The following SH2D6 variants were observed in gnomAD, a reference collection of about 807,000 sequenced individuals.
SH2D6 encodes the protein SH2 domain containing 6.
SH2D6 carries 31 observed loss-of-function variants against 30.2 expected under a neutral mutation model. The observed-to-expected ratio is 1.03, with a 90% CI of 0.77 to 1.38. The LOEUF is 1.38. Ranked by LOEUF, SH2D6 falls within the 40% of genes most tolerant of loss-of-function variation. SH2D6 has a pLI of 0.00. For missense variants in SH2D6, 240 were observed against 266.8 expected, an observed-to-expected ratio of 0.90 and a Z score of 0.70; for synonymous variants, 93 against 104.6, an observed-to-expected ratio of 0.89 and a Z score of 0.68.
intron 15 of SH2D6, 148 bp downstream of exon 15, chr2:85,433,269 C>A: frequency 1.9e-6 from 1 of 536,392 alleles, no homozygotes; most frequent in Non-Finnish European, 2.4e-6. Context: ...CAGCCACAGG[C>A]CCCTGGCAGG....
Position 85,435,732 on chromosome 2 carries a change from C to T in SH2D6, c.799C>T (p.Leu267Phe). ...HGSQPFTLAV[L>F]LRGRVFNIPI... ...CTCCCAGCCCTTCACCCTGGCAGTG[C>T]TTCTCCGAGGCCGGGTCTTCAACAT... The change falls in exon 22 of 24, where the codon CTT becomes TTT. Residue 267 changes from leucine to phenylalanine, a missense_variant. Coordinates refer to ENST00000469800, the MANE Select transcript of SH2D6 (RefSeq NM_001394463.1). 3 of 1,613,182 alleles carry T rather than the reference C, an allele frequency of 1.9e-6. No homozygotes were observed. The highest frequency in any genetic ancestry group is 2.5e-6 in the Non-Finnish European group (3 of 1,179,788).
intron 5 of SH2D6, among the ~76,000 whole-genome samples, chr2:85,424,469 G>T (rs1381798362): frequency 6.6e-6 from 1 of 151,998 alleles, no homozygotes; most frequent in African/African-American, 2.4e-5. Flanking sequence ...ATAATTAATG[G>T]TTGGGCACAG....
intron 14 of SH2D6, among the ~76,000 whole-genome samples, chr2:85,432,248 ATT>A (rs36079023): frequency 1.5e-5 from 2 of 130,906 alleles, no homozygotes; most frequent in Non-Finnish European, 1.7e-5. Flanking sequence ...GGCTGCTCTG[ATT>A]TTTTTTTTTT....
chr2:85,434,376 A>G lies in SH2D6; in HGVS notation c.564+6A>G, dbSNP rs1295132542. On this transcript the variant is annotated splice_donor_region_variant and intron_variant, in intron 18 of 23. Transcript: ENST00000469800. The stretch of plus-strand genomic sequence containing the variant: ...CCCCCCAGGAAACTCGGAATGTAAG[A>G]GGCTGATGGTCAGGGGAGAAGAGAG... 9.0e-6 allele frequency: 14 copies of G among 1,549,946 alleles called. No individual in the cohort carries two copies. The Admixed American group carries it at 2.6e-4, about 28-fold the overall frequency.
intron 19 of SH2D6, chr2:85,434,729 CAA>C (rs1178834251): frequency 7.0e-7 from 1 of 1,436,656 alleles, no homozygotes; most frequent in Admixed American, 2.8e-5. Flanking sequence ...CCTCAGGCCC[CAA>C]GTTACTGAGG....
At chr2:85,424,910 A>G (rs1034942595) in intron 5 of SH2D6, among the ~76,000 whole-genome samples, 8 of 152,162 alleles carry the variant, frequency 5.3e-5, no homozygotes, top group African/African-American at 1.9e-4. Flanking sequence ...TACTAAAAAT[A>G]CAAAAATTAG....
At chr2:85,434,223 C>T in intron 17 of SH2D6, 112 bp downstream of exon 17, 1 of 1,518,008 alleles carries the variant, frequency 6.6e-7, no homozygotes, top group Non-Finnish European at 8.9e-7. Flanking sequence ...TCTCCTTGCA[C>T]TGTCCCATGG....
Position 85,434,031 on chromosome 2 carries a change from A to G in SH2D6, c.455-2A>G, listed in dbSNP as rs761350805. ...AGCCCAGCCTGCCCCTCCCTGTTTC[A>G]GTCCTGGCTTTGACTCAGACTCTCA... is the stretch of plus-strand genomic sequence containing the variant. On this transcript the variant is annotated splice_acceptor_variant, in intron 16 of 23. Coordinates refer to ENST00000469800, the MANE Select transcript of SH2D6 (RefSeq NM_001394463.1). LOFTEE classifies it high-confidence loss of function. 3.2e-6 allele frequency: 5 copies of G among 1,549,980 alleles called. No homozygotes were observed. Among genetic ancestry groups the G allele is most frequent in the South Asian group, 2.4e-5 (2 of 84,018 alleles).
Position 85,435,651 on chromosome 2 carries a change from G to A in SH2D6, c.733-15G>A, listed in dbSNP as rs73943209. The A allele has an allele frequency of 7.4e-3, 11,727 of 1,588,752 alleles. 698 individuals carry two copies. The African/African-American group carries it at 0.14, about 19-fold the overall frequency. On this transcript the variant is annotated splice_polypyrimidine_tract_variant and intron_variant, in intron 21 of 23. Transcript: ENST00000469800. ...CATTGGAAGATGAGGTTGATGGCTG[G>A]GGTCTCCTCCACAGGATGGGGCCTA...
At chr2:85,432,492 TG>T (rs1423773639) in intron 14 of SH2D6, among the ~76,000 whole-genome samples, 1 of 151,448 alleles carries the variant, frequency 6.6e-6, no homozygotes, top group Non-Finnish European at 1.5e-5. Flanking sequence ...CTCCGCCCCC[TG>T]GGGTTCACGC....
At chr2:85,423,430 A>G (rs1394893728) in intron 5 of SH2D6, among the ~76,000 whole-genome samples, 32 of 138,724 alleles carry the variant, frequency 2.3e-4, no homozygotes, top group East Asian at 9.1e-4. Context: ...ATGGGGTTTT[A>G]CCATGTTGGC....
intron 7 of SH2D6, 104 bp downstream of exon 7, chr2:85,428,801 G>T (rs1352386088): frequency 6.6e-6 from 1 of 152,176 alleles, no homozygotes; most frequent in Non-Finnish European, 1.5e-5. Flanking sequence ...TGAAAAGCAG[G>T]GATAAAACTA....
At chr2:85,426,311 A>C (rs1688048060) in intron 6 of SH2D6, among the ~76,000 whole-genome samples, 1 of 152,206 alleles carries the variant, frequency 6.6e-6, no homozygotes, top group Admixed American at 6.5e-5. Context: ...CCACGGTTCC[A>C]GGCTCATAAC....
chr2:85,423,253 C>T (rs116695344), intron 5 of SH2D6, among the ~76,000 whole-genome samples: 3,368 of 146,618 alleles, frequency 0.023, 64 homozygotes, highest in African/African-American at 0.054. Context: ...GACGAAGTCT[C>T]ACTCTGCTCA....
At chr2:85,433,708 T>C in intron 16 of SH2D6, 77 bp downstream of exon 16, 1 of 1,053,688 alleles carries the variant, frequency 9.5e-7, no homozygotes, top group Non-Finnish European at 1.2e-6. Context: ...CTCTCCTGGC[T>C]CCATCTGCTT....
chr2:85,436,569 C>T lies in SH2D6; in HGVS notation c.995C>T (p.Pro332Leu), dbSNP rs2104958778. The T allele has an allele frequency of 3.1e-6, 5 of 1,613,796 alleles. No individual in the cohort carries two copies. The highest frequency in any genetic ancestry group is 4.2e-6 in the Non-Finnish European group (5 of 1,179,940). ...CGGGAACTCACCTGCCTGCTCTTCC[C>T]CACCAAGCCTTGAGGCCACAGCGAA... ...GSRELTCLLF[P>L]TKP The change falls in exon 23 of 24, where the codon CCC (proline) becomes CTC (leucine). Residue 332 changes from proline (P) to leucine (L), a missense_variant. By Grantham distance (98) the Pro-to-Leu change is moderately conservative. Coordinates refer to ENST00000469800, the MANE Select transcript of SH2D6 (RefSeq NM_001394463.1).
At chr2:85,428,214 C>T (rs183129785) in intron 6 of SH2D6, among the ~76,000 whole-genome samples, 1 of 152,306 alleles carries the variant, frequency 6.6e-6, no homozygotes, top group East Asian at 1.9e-4. Flanking sequence ...AGGAAGGTCA[C>T]AATTAGCACT....
chr2:85,435,256 C>T (rs1234786879), intron 20 of SH2D6, 133 bp downstream of exon 20: 11 of 1,240,066 alleles, frequency 8.9e-6, no homozygotes, highest in East Asian at 2.4e-5. Flanking sequence ...TGCGGCACCC[C>T]GCCGTGCCCC....
chr2:85,434,841 C>A, intron 19 of SH2D6: 1 of 1,490,110 alleles, frequency 6.7e-7, no homozygotes, highest in Non-Finnish European at 8.9e-7. Flanking sequence ...CTAGTCTGTG[C>A]CCCAAGATCA....
Sources: allele counts gnomAD v4.1 joint callset (sites outside exome capture counted in the v4.1 genomes callset), GRCh38; gene constraint gnomAD v4.1.1; transcripts MANE v1.5; gene names NCBI Gene and HGNC (gene_info 2026-07-23, HGNC 2026-07-21).